The following CAMTA1 variants were observed in gnomAD, a reference collection of about 807,000 sequenced individuals.
The protein encoded by CAMTA1 is calmodulin binding transcription activator 1.
CAMTA1 carries 27 observed loss-of-function variants against 170.9 expected under a neutral mutation model. The ratio of observed to expected loss-of-function variants is 0.16; its 90% CI spans 0.12 to 0.22. CAMTA1 has a LOEUF of 0.22. Among genes scored for constraint, CAMTA1 ranks in the 10% least tolerant of loss-of-function variants. The pLI is 1.00. For missense variants in CAMTA1, 1,619 were observed against 2,217.2 expected, an observed-to-expected ratio of 0.73 and a Z score of 5.42; for synonymous variants, 833 against 891.5, an observed-to-expected ratio of 0.93 and a Z score of 1.17.
In CAMTA1 at chr1:7,434,778, C is replaced by T. The variant is rs1475150709; in HGVS notation, c.439-33052C>T. ...GAGGGGAGCCGGGCATGGTGGCTCACGCCTGTAATCTCAGCACTCTGGGAG... is the reference window on the plus strand; with the variant it reads ...GAGGGGAGCCGGGCATGGTGGCTCATGCCTGTAATCTCAGCACTCTGGGAG... On this transcript the variant is annotated intron_variant, in intron 5 of 22. Transcript: ENST00000303635. Among the ~76,000 whole-genome samples, 6 of 151,768 alleles carry T rather than the reference C, an allele frequency of 4.0e-5. No individual in the cohort carries two copies. In the East Asian group the frequency reaches 7.8e-4, roughly 20 times the overall value.
At chr1:7,512,904 G>A (rs2094221757) in intron 6 of CAMTA1, among the ~76,000 whole-genome samples, 1 of 152,172 alleles carries the variant, frequency 6.6e-6, no homozygotes, top group Admixed American at 6.5e-5. Context: ...CCTCTTTGTG[G>A]AAGTGAGCAG....
Position 7,313,013 on chromosome 1 carries a change from TA to T in CAMTA1, c.438+63389del, listed in dbSNP as rs201630460. Among the ~76,000 whole-genome samples the T allele has an allele frequency of 3.7e-3, 568 of 152,350 alleles. 8 individuals are homozygous for T. Among genetic ancestry groups the T allele is most frequent in the Admixed American group, 0.024 (374 of 15,308 alleles). On this transcript the variant is annotated intron_variant, in intron 5 of 22. Coordinates refer to ENST00000303635, the MANE Select transcript of CAMTA1 (RefSeq NM_015215.4). ...CTCCTTTTTTTCTGTGTGTTTATACTAATTGGATTATGGTTCCTTTCTTGTG... is the reference window on the plus strand; with the variant it reads ...CTCCTTTTTTTCTGTGTGTTTATACTATTGGATTATGGTTCCTTTCTTGTG...
At chr1:7,327,230 C>A (rs945424490) in intron 5 of CAMTA1, among the ~76,000 whole-genome samples, 1 of 151,748 alleles carries the variant, frequency 6.6e-6, no homozygotes, top group African/African-American at 2.4e-5. Flanking sequence ...CGGTGAAACC[C>A]TGTCTCTACT....
chr1:7,334,443 C>T (rs78045682), intron 5 of CAMTA1, among the ~76,000 whole-genome samples: 2 of 152,170 alleles, frequency 1.3e-5, no homozygotes, highest in Non-Finnish European at 2.9e-5. Context: ...CTTTTGGATG[C>T]GGAAACGGAA....
intron 3 of CAMTA1, among the ~76,000 whole-genome samples, chr1:6,838,530 A>G (rs1349613321): frequency 1.3e-5 from 2 of 152,174 alleles, no homozygotes; most frequent in South Asian, 2.1e-4. Flanking sequence ...TCTGAACTCT[A>G]CCATCTGAAG....
chr1:6,888,221 G>A (rs1442669309), intron 3 of CAMTA1: 10 of 985,708 alleles, frequency 1.0e-5, no homozygotes, highest in East Asian at 1.1e-4. Context: ...CACTTGCGTC[G>A]CATCCTTTCT....
At chr1:7,097,187 T>C (rs1356295557) in intron 4 of CAMTA1, among the ~76,000 whole-genome samples, 1 of 152,246 alleles carries the variant, frequency 6.6e-6, no homozygotes, top group Non-Finnish European at 1.5e-5. Flanking sequence ...TCAGCTGTCA[T>C]GAGTGAGTCT....
At chr1:7,297,065 C>G (rs1674059586) in intron 5 of CAMTA1, among the ~76,000 whole-genome samples, 1 of 152,170 alleles carries the variant, frequency 6.6e-6, no homozygotes, top group South Asian at 2.1e-4. Flanking sequence ...AGCTACAAAA[C>G]TGTATTTTCA....
chr1:7,310,702 C>CTCTCTCTTTG (rs1676534699), intron 5 of CAMTA1, among the ~76,000 whole-genome samples: 1 of 48,886 alleles, frequency 2.0e-5, no homozygotes, highest in Non-Finnish European at 3.8e-5. Flanking sequence ...CTCTCTCTCT[C>CTCTCTCTTTG]TTTCTTTCTT....
chr1:7,265,358 G>A (rs1668760451), intron 5 of CAMTA1, among the ~76,000 whole-genome samples: 1 of 152,128 alleles, frequency 6.6e-6, no homozygotes, highest in Admixed American at 6.5e-5. Context: ...CTGTCTCCGA[G>A]GTTAGAATGT....
chr1:7,504,066 C>T (rs1167223503), intron 6 of CAMTA1, among the ~76,000 whole-genome samples: 5 of 152,166 alleles, frequency 3.3e-5, no homozygotes, highest in South Asian at 2.1e-4. Context: ...CGAGACTGGC[C>T]ATGCCTGCCA....
At chr1:7,617,909 C>A (rs1441567152) in intron 6 of CAMTA1, among the ~76,000 whole-genome samples, 20 of 152,124 alleles carry the variant, frequency 1.3e-4, no homozygotes, top group Admixed American at 9.8e-4. Flanking sequence ...GAATTCAACA[C>A]AGGAAGCTAC....
chr1:7,477,332 C>T (rs904516102), intron 6 of CAMTA1, among the ~76,000 whole-genome samples: 1 of 152,088 alleles, frequency 6.6e-6, no homozygotes, highest in African/African-American at 2.4e-5. Context: ...TAAGCTGCCT[C>T]CTGGGTCTGG....
intron 6 of CAMTA1, among the ~76,000 whole-genome samples, chr1:7,503,298 C>T (rs185598053): frequency 2.6e-5 from 4 of 152,284 alleles, no homozygotes; most frequent in East Asian, 1.9e-4. Flanking sequence ...TTTTTGCTTA[C>T]AGATGGAGAA....
chr1:7,064,558 A>G lies in CAMTA1; in HGVS notation c.235-26746A>G, dbSNP rs1056437312. On this transcript the variant is annotated intron_variant, in intron 3 of 22. Transcript: ENST00000303635. The surrounding 1 kb of genome is among the most constrained non-coding windows in gnomAD (Gnocchi z 5.4). ...GGGAGGGAGGGGGTAGTCCCTGAGG[A>G]GGCAGCAGTTTAAGCTGAGATGGGA... Among the ~76,000 whole-genome samples the G allele has an allele frequency of 1.3e-5, 2 of 152,120 alleles. No individual in the cohort carries two copies. The highest frequency in any genetic ancestry group is 2.4e-5 in the African/African-American group (1 of 41,422).
At chr1:7,335,772 TA>T (rs5772272) in intron 5 of CAMTA1, among the ~76,000 whole-genome samples, 63,342 of 142,760 alleles carry the variant, frequency 0.44, 14,002 homozygotes, top group Middle Eastern at 0.58. Flanking sequence ...TAGATAACGT[TA>T]AAAAAAAAAA....
chr1:7,084,987 T>C (rs536928304), intron 3 of CAMTA1, among the ~76,000 whole-genome samples: 2 of 152,366 alleles, frequency 1.3e-5, no homozygotes, highest in African/African-American at 2.4e-5. Context: ...ATTTTAAAAA[T>C]CTTTTTATAT....
At position 7,766,695 on chromosome 1, in the gene CAMTA1, T is replaced by A. The variant is rs1465451351; in HGVS notation, c.*204T>A. 1.9e-6 allele frequency: 1 copy of A among 516,958 alleles called. No homozygotes were observed. Among genetic ancestry groups the A allele is most frequent in the Non-Finnish European group, 3.5e-6 (1 of 288,588 alleles). 32.0% of individuals were successfully genotyped at this position (516,958 alleles called of 1,614,324 possible). A position where few individuals can be genotyped will look rare whatever the true frequency, so the allele number is the denominator to read the frequency against. On this transcript the variant is annotated 3_prime_UTR_variant, in exon 23 of 23. Coordinates refer to ENST00000303635, the MANE Select transcript of CAMTA1 (RefSeq NM_015215.4). ...ATGTTTTGGTCATTGCATTTGCACT[T>A]TCATGGACAACTTTTAATTTGATCA...
chr1:7,668,779 C>T (rs74053182), intron 9 of CAMTA1, among the ~76,000 whole-genome samples: 20 of 152,104 alleles, frequency 1.3e-4, no homozygotes, highest in Admixed American at 3.9e-4. Context: ...TCTTTGTTCC[C>T]GGCAGCAGCC....
Sources: allele counts gnomAD v4.1 joint callset (sites outside exome capture counted in the v4.1 genomes callset), GRCh38; gene constraint gnomAD v4.1.1; non-coding constraint Gnocchi (gnomAD v3.1); transcripts MANE v1.5; gene names NCBI Gene and HGNC (gene_info 2026-07-23, HGNC 2026-07-21).